GRM1: variants seen among roughly 807,000 people sequenced by gnomAD.
The protein encoded by GRM1 is glutamate metabotropic receptor 1, also known as metabotropic glutamate receptor 1.
A neutral mutation model predicts 90.9 loss-of-function variants in GRM1; 33 were observed. The observed-to-expected ratio is 0.36, with a 90% confidence interval of 0.28 to 0.49. The LOEUF is 0.49. Among genes scored for constraint, GRM1 ranks in the 20% least tolerant of loss-of-function variants. GRM1 has a pLI of 0.99. For missense variants in GRM1, 1,190 were observed against 1,534.3 expected (o/e 0.78, Z 3.75); for synonymous variants, 700 against 613.2 (o/e 1.14, Z -2.09).
At chr6:146,342,636 C>T (rs562077488) in intron 3 of GRM1, among the ~76,000 whole-genome samples, 4 of 152,296 alleles carry the variant, frequency 2.6e-5, no homozygotes, top group African/African-American at 9.6e-5. Flanking sequence ...GTCCTATCAA[C>T]CGTTTCATAA....
At chr6:146,319,813 C>T (rs967767606) in intron 3 of GRM1, among the ~76,000 whole-genome samples, 36 of 152,210 alleles carry the variant, frequency 2.4e-4, no homozygotes, top group East Asian at 1.5e-3. Flanking sequence ...CACATTGCTT[C>T]TGTATCCTGA....
At chr6:146,260,220 C>T (rs1286677396) in intron 2 of GRM1, among the ~76,000 whole-genome samples, 1 of 151,778 alleles carries the variant, frequency 6.6e-6, no homozygotes, top group African/African-American at 2.4e-5. Flanking sequence ...CCTCATTGTT[C>T]AATTCCCACT....
intron 1 of GRM1, among the ~76,000 whole-genome samples, chr6:146,109,039 A>G (rs1176364660): frequency 6.6e-6 from 1 of 152,202 alleles, no homozygotes; most frequent in Non-Finnish European, 1.5e-5. Context: ...GAAGCAGAGC[A>G]TACAAGTTTG....
At chr6:146,419,581 T>G (rs536095533) in intron 7 of GRM1, among the ~76,000 whole-genome samples, 2 of 152,264 alleles carry the variant, frequency 1.3e-5, no homozygotes, top group South Asian at 4.1e-4. Flanking sequence ...GACTAGGTAA[T>G]TTATGAAGAA....
At chr6:146,383,946 A>G (rs1001182258) in intron 5 of GRM1, among the ~76,000 whole-genome samples, 1 of 152,118 alleles carries the variant, frequency 6.6e-6, no homozygotes, top group Non-Finnish European at 1.5e-5. Flanking sequence ...AAAACAGTAC[A>G]TGACCTTGAG....
chr6:146,157,421 A>G (rs1036746600), intron 1 of GRM1, among the ~76,000 whole-genome samples: 2 of 152,222 alleles, frequency 1.3e-5, no homozygotes, highest in Non-Finnish European at 2.9e-5. Context: ...GCCTATGTCC[A>G]AACTCATCAA....
At chr6:146,137,006 C>T (rs1442461850) in intron 1 of GRM1, among the ~76,000 whole-genome samples, 1 of 151,986 alleles carries the variant, frequency 6.6e-6, no homozygotes, top group Non-Finnish European at 1.5e-5. Context: ...GCATGCACCA[C>T]CACACCCGGC....
intron 2 of GRM1, among the ~76,000 whole-genome samples, chr6:146,232,435 A>G (rs1428340118): frequency 6.6e-6 from 1 of 152,104 alleles, no homozygotes; most frequent in Non-Finnish European, 1.5e-5. Flanking sequence ...TATATGGTAC[A>G]TGAGATGTTT....
At chr6:146,376,347 C>T (rs1217293538) in intron 5 of GRM1, among the ~76,000 whole-genome samples, 3 of 151,964 alleles carry the variant, frequency 2.0e-5, no homozygotes, top group Non-Finnish European at 4.4e-5. Context: ...TCTTTTTATT[C>T]CATGTACTAT....
intron 2 of GRM1, among the ~76,000 whole-genome samples, chr6:146,236,998 C>G (rs1300453603): frequency 2.0e-5 from 3 of 152,102 alleles, no homozygotes; most frequent in African/African-American, 7.2e-5. Context: ...GCAAGCTGCT[C>G]AATTTTAGTA....
chr6:146,290,037 C>T (rs1782917724), intron 2 of GRM1, among the ~76,000 whole-genome samples: 1 of 152,166 alleles, frequency 6.6e-6, no homozygotes, highest in African/African-American at 2.4e-5. Flanking sequence ...TTGGGAAATG[C>T]TCAGCCTGTC....
intron 2 of GRM1, among the ~76,000 whole-genome samples, chr6:146,229,940 T>G (rs940226990): frequency 1.3e-5 from 2 of 152,164 alleles, no homozygotes; most frequent in Non-Finnish European, 2.9e-5. Flanking sequence ...GCTCTAGAGC[T>G]CTAACATTTA....
At chr6:146,203,405 T>C (rs1267776775) in intron 2 of GRM1, among the ~76,000 whole-genome samples, 1 of 152,022 alleles carries the variant, frequency 6.6e-6, no homozygotes, top group Admixed American at 6.6e-5. Context: ...AGTCCTCTGT[T>C]TCCAGCTAGC....
At chr6:146,323,271 T>C (rs1784269734) in intron 3 of GRM1, among the ~76,000 whole-genome samples, 1 of 152,240 alleles carries the variant, frequency 6.6e-6, no homozygotes, top group Non-Finnish European at 1.5e-5. Context: ...GACTTTTTAA[T>C]GATTGCCATT....
intron 1 of GRM1, among the ~76,000 whole-genome samples, chr6:146,050,071 T>TA (rs1437272694): frequency 1.3e-5 from 2 of 151,942 alleles, no homozygotes. Flanking sequence ...GTCAGCATTT[T>TA]TAATGTCTAA....
chr6:146,042,544 T>A (rs1582916719), intron 1 of GRM1, among the ~76,000 whole-genome samples: 1 of 151,894 alleles, frequency 6.6e-6, no homozygotes, highest in Non-Finnish European at 1.5e-5. Context: ...CTCTGCGTGG[T>A]GATGTAGTGA....
chr6:146,379,922 CAG>C (rs1776255901), intron 5 of GRM1, among the ~76,000 whole-genome samples: 1 of 141,128 alleles, frequency 7.1e-6, no homozygotes, highest in Non-Finnish European at 1.5e-5. Context: ...CTCAAACATA[CAG>C]AGTCTGTCTC....
chr6:146,050,907 T>C (rs1791501001), intron 1 of GRM1, among the ~76,000 whole-genome samples: 1 of 152,084 alleles, frequency 6.6e-6, no homozygotes, highest in African/African-American at 2.4e-5. Context: ...GTGAGGAGGA[T>C]ACATAGAGTC....
chr6:146,335,837 C>A (rs987985551), intron 3 of GRM1, among the ~76,000 whole-genome samples: 1 of 152,150 alleles, frequency 6.6e-6, no homozygotes, highest in African/African-American at 2.4e-5. Flanking sequence ...ATAATCCCCA[C>A]GTGTCCAGGA....
Sources: gnomAD v4.1 joint callset for allele counts (sites outside exome capture counted in the v4.1 genomes callset) on GRCh38, gnomAD v4.1.1 for gene constraint, MANE v1.5 for transcripts, NCBI Gene and HGNC (gene_info 2026-07-23, HGNC 2026-07-21) for gene names.